SLC4A7: variants seen among roughly 807,000 people sequenced by gnomAD.
The protein encoded by SLC4A7 is solute carrier family 4 member 7, also known as sodium bicarbonate cotransporter 3.
Under a neutral mutation model 137.6 loss-of-function variants are expected in SLC4A7, and 51 were observed. That is an observed-to-expected ratio of 0.37 (90% CI 0.30 to 0.47). SLC4A7 has a LOEUF of 0.47. Ranked by LOEUF, SLC4A7 falls within the 20% of genes least tolerant of loss-of-function variation. The pLI is 1.00. For synonymous variants in SLC4A7, 542 were observed against 518.6 expected, an observed-to-expected ratio of 1.05 and a Z score of -0.61; for missense variants, 1,247 against 1,525.4, an observed-to-expected ratio of 0.82 and a Z score of 3.04.
intron 25 of SLC4A7, 36 bp downstream of exon 25, chr3:27,379,213 G>T: frequency 8.9e-7 from 1 of 1,127,048 alleles, no homozygotes; most frequent in Non-Finnish European, 1.3e-6. Context: ...ATGAAAATTG[G>T]CTACAGTTAG....
chr3:27,426,252 C>T (rs988283431), intron 7 of SLC4A7, among the ~76,000 whole-genome samples: 2 of 152,160 alleles, frequency 1.3e-5, no homozygotes, highest in Non-Finnish European at 2.9e-5. Flanking sequence ...TAAACAATTC[C>T]GAAATACAAA....
intron 1 of SLC4A7, among the ~76,000 whole-genome samples, chr3:27,461,973 T>C (rs2058725904): frequency 6.6e-6 from 1 of 151,860 alleles, no homozygotes; most frequent in Non-Finnish European, 1.5e-5. Flanking sequence ...AAAAAGATGA[T>C]GAACCAAGTA....
chr3:27,402,699 C>CA (rs5847462), intron 15 of SLC4A7, among the ~76,000 whole-genome samples: 22 of 143,736 alleles, frequency 1.5e-4, no homozygotes, highest in South Asian at 6.6e-4. Flanking sequence ...ACTCCGTCTC[C>CA]AAAAAAAAAA....
intron 3 of SLC4A7, among the ~76,000 whole-genome samples, chr3:27,444,453 G>A (rs2057441106): frequency 1.3e-5 from 2 of 152,078 alleles, no homozygotes; most frequent in Non-Finnish European, 2.9e-5. Context: ...TAGACTACAT[G>A]ATATTGTCCC....
chr3:27,376,930 C>T (rs183184861), intron 25 of SLC4A7, 85 bp from the exon 26 acceptor site: 214 of 551,926 alleles, frequency 3.9e-4, no homozygotes, highest in African/African-American at 2.7e-3. Context: ...TATACTAAAC[C>T]TTCTGAGATT....
intron 1 of SLC4A7, 133 bp downstream of exon 1, chr3:27,483,934 C>A: frequency 1.6e-6 from 1 of 616,004 alleles, no homozygotes; most frequent in Non-Finnish European, 2.3e-6. Flanking sequence ...GCGCGCCGGC[C>A]GCCGGGAGGT....
Position 27,396,437 on chromosome 3 carries a change from GT to G in SLC4A7, c.2703+1246del, listed in dbSNP as rs529844348. On this transcript the variant is annotated intron_variant, in intron 18 of 25. Transcript: ENST00000454389. ...CCAGGATTACAGGAAATTACATCAC[GT>G]TTTGAACCAATATTAATTCATAGTT... Among the ~76,000 whole-genome samples the G allele has an allele frequency of 3.0e-3, 458 of 152,032 alleles. 1 individual carries two copies. Among genetic ancestry groups the G allele is most frequent in the Non-Finnish European group, 5.4e-3 (367 of 67,946 alleles).
At chr3:27,473,396 C>T (rs557475319) in intron 1 of SLC4A7, among the ~76,000 whole-genome samples, 11 of 152,148 alleles carry the variant, frequency 7.2e-5, no homozygotes, top group Non-Finnish European at 1.5e-4. Context: ...CCTACTTTAA[C>T]GACCCCTTTG....
chr3:27,436,190 C>A (rs910161554), intron 5 of SLC4A7, among the ~76,000 whole-genome samples, 198 bp downstream of exon 5: 7 of 152,162 alleles, frequency 4.6e-5, no homozygotes, highest in African/African-American at 1.7e-4. Flanking sequence ...TTCGCTTGTG[C>A]CACTATTCAC....
intron 12 of SLC4A7, among the ~76,000 whole-genome samples, chr3:27,410,125 T>C (rs1471390753): frequency 6.6e-6 from 1 of 152,194 alleles, no homozygotes; most frequent in Non-Finnish European, 1.5e-5. Flanking sequence ...CAAACTAATA[T>C]GTACATTAAT....
chr3:27,405,387 G>T (rs1036698575), intron 13 of SLC4A7, among the ~76,000 whole-genome samples: 1 of 152,150 alleles, frequency 6.6e-6, no homozygotes, highest in African/African-American at 2.4e-5. Flanking sequence ...AAGCATTTCA[G>T]ATAAGGGATA....
chr3:27,390,476 A>C (rs1432245058), intron 21 of SLC4A7, among the ~76,000 whole-genome samples: 1 of 152,232 alleles, frequency 6.6e-6, no homozygotes, highest in Admixed American at 6.5e-5. Flanking sequence ...GTGACTTCTA[A>C]GGTTCTTCAC....
intron 3 of SLC4A7, among the ~76,000 whole-genome samples, chr3:27,448,287 G>T (rs2057821719): frequency 6.7e-6 from 1 of 150,070 alleles, no homozygotes; most frequent in African/African-American, 2.4e-5. Context: ...CATTCCCAAT[G>T]TCTATCCATT....
intron 3 of SLC4A7, among the ~76,000 whole-genome samples, chr3:27,448,230 A>AC (rs1313213951): frequency 2.0e-5 from 3 of 151,518 alleles, no homozygotes; most frequent in African/African-American, 7.3e-5. Flanking sequence ...AAAAAAAAAA[A>AC]AAAAGAAGAA....
chr3:27,481,171 C>A (rs1242917968), intron 1 of SLC4A7, among the ~76,000 whole-genome samples: 1 of 152,016 alleles, frequency 6.6e-6, no homozygotes, highest in African/African-American at 2.4e-5. Context: ...CTGACAACAA[C>A]AACAAAAAAA....
At chr3:27,464,432 G>T (rs1020581131) in intron 1 of SLC4A7, among the ~76,000 whole-genome samples, 3 of 152,022 alleles carry the variant, frequency 2.0e-5, no homozygotes, top group African/African-American at 7.2e-5. Context: ...TCAAGGCAGG[G>T]AGCGGTAGCT....
chr3:27,437,322 G>C, intron 4 of SLC4A7, 66 bp downstream of exon 4: 11 of 1,124,724 alleles, frequency 9.8e-6, no homozygotes, highest in Non-Finnish European at 1.3e-5. Context: ...TCGCACTCCA[G>C]CCTGGGCAAC....
At chr3:27,461,278 A>T (rs116157619) in intron 1 of SLC4A7, among the ~76,000 whole-genome samples, 5,373 of 152,036 alleles carry the variant, frequency 0.035, 230 homozygotes, top group Admixed American at 0.14. Flanking sequence ...CACACCTGTA[A>T]TCCCAGCTAC....
intron 17 of SLC4A7, 31 bp downstream of exon 17, chr3:27,398,161 T>C: frequency 1.9e-6 from 3 of 1,538,596 alleles, no homozygotes; most frequent in Non-Finnish European, 2.7e-6. Context: ...ATATGAATAT[T>C]ACCAGAATTC....
Sources: gnomAD v4.1 joint callset for allele counts (sites outside exome capture counted in the v4.1 genomes callset) on GRCh38, gnomAD v4.1.1 for gene constraint, MANE v1.5 for transcripts, NCBI Gene and HGNC (gene_info 2026-07-23, HGNC 2026-07-21) for gene names.